CDH6: variants seen among roughly 807,000 people sequenced by gnomAD.
CDH6 encodes cadherin 6, also known as cadherin-6.
A neutral mutation model predicts 78.0 loss-of-function variants in CDH6; 31 were observed. The observed-to-expected ratio is 0.40, with a 90% CI of 0.30 to 0.54. The LOEUF (loss-of-function observed/expected upper bound fraction) is 0.54, where lower values mean the gene tolerates loss of function less well. Among genes scored for constraint, CDH6 ranks in the 20% least tolerant of loss-of-function variants. The probability of loss-of-function intolerance (pLI) is 0.56; values close to 1 mark genes in which losing one functional copy is unlikely to be tolerated. For missense variants in CDH6, 724 were observed against 975.9 expected, an observed-to-expected ratio of 0.74 and a Z score of 3.44; for synonymous variants, 376 against 368.8, an observed-to-expected ratio of 1.02 and a Z score of -0.23.
intron 1 of CDH6, among the ~76,000 whole-genome samples, chr5:31,229,709 T>C (rs2111849940): frequency 6.6e-6 from 1 of 152,348 alleles, no homozygotes; most frequent in Non-Finnish European, 1.5e-5. Flanking sequence ...AATGCAATTG[T>C]GGACCATCAT....
At chr5:31,227,807 C>T (rs1258491269) in intron 1 of CDH6, among the ~76,000 whole-genome samples, 1 of 152,188 alleles carries the variant, frequency 6.6e-6, no homozygotes, top group Admixed American at 6.5e-5. Context: ...CGGACCCCTA[C>T]CTTAACCATC....
At chr5:31,260,267 C>T (rs1206601816) in intron 1 of CDH6, among the ~76,000 whole-genome samples, 1 of 152,168 alleles carries the variant, frequency 6.6e-6, no homozygotes, top group Non-Finnish European at 1.5e-5. Flanking sequence ...GGTAAAGAAA[C>T]TGAGACACAA....
At chr5:31,297,528 A>T (rs1737643745) in intron 4 of CDH6, 120 bp downstream of exon 4, 3 of 675,992 alleles carry the variant, frequency 4.4e-6, no homozygotes, top group Non-Finnish European at 7.3e-6. Flanking sequence ...ACATCCACCA[A>T]ACACTAATGA....
intron 1 of CDH6, among the ~76,000 whole-genome samples, chr5:31,216,225 T>C (rs1477173740): frequency 6.6e-6 from 1 of 152,130 alleles, no homozygotes; most frequent in East Asian, 1.9e-4. Context: ...ATGCTTATTT[T>C]GTCAATTCAG....
At chr5:31,209,113 A>G (rs1218668003) in intron 1 of CDH6, among the ~76,000 whole-genome samples, 1 of 152,236 alleles carries the variant, frequency 6.6e-6, no homozygotes, top group Non-Finnish European at 1.5e-5. Context: ...TATATGGAGA[A>G]TTTTAAACTT....
chr5:31,269,189 G>A (rs1742449324), intron 2 of CDH6, among the ~76,000 whole-genome samples: 1 of 149,506 alleles, frequency 6.7e-6, no homozygotes, highest in African/African-American at 2.5e-5. Flanking sequence ...TTATCTAAAT[G>A]ATGTTTCCCC....
intron 3 of CDH6, 146 bp from the exon 4 acceptor site, chr5:31,297,143 C>A: frequency 2.9e-6 from 2 of 688,780 alleles, no homozygotes; most frequent in Non-Finnish European, 5.1e-6. Flanking sequence ...AGAATCCAAT[C>A]CTTTTTCACC....
chr5:31,219,178 AC>A (rs1740941607), intron 1 of CDH6, among the ~76,000 whole-genome samples: 1 of 152,126 alleles, frequency 6.6e-6, no homozygotes, highest in Non-Finnish European at 1.5e-5. Flanking sequence ...TTGGACTCAA[AC>A]TGCAATTCTC....
chr5:31,316,149 T>C (rs1697423595), intron 8 of CDH6, 59 bp from the exon 9 acceptor site: 2 of 1,565,750 alleles, frequency 1.3e-6, no homozygotes, highest in African/African-American at 2.7e-5. Context: ...GGATGTTGTC[T>C]AAAGGGAATC....
At chr5:31,241,413 A>T (rs1422808978) in intron 1 of CDH6, among the ~76,000 whole-genome samples, 1 of 152,228 alleles carries the variant, frequency 6.6e-6, no homozygotes, top group Admixed American at 6.5e-5. Context: ...GGAATATAGG[A>T]ATCAAGGCCT....
chr5:31,302,903 AAAAG>A (rs70953502), intron 6 of CDH6, among the ~76,000 whole-genome samples: 5,064 of 90,344 alleles, frequency 0.056, 123 homozygotes, highest in Admixed American at 0.065. Context: ...AAGAAAGAAA[AAAAG>A]AAAGAAAGAA....
intron 1 of CDH6, among the ~76,000 whole-genome samples, chr5:31,212,759 C>T (rs1232305463): frequency 1.3e-5 from 2 of 149,144 alleles, no homozygotes; most frequent in Non-Finnish European, 3.0e-5. Context: ...TTCACATGAA[C>T]GTGCACACAC....
chr5:31,310,182 T>C (rs973519494), intron 7 of CDH6, among the ~76,000 whole-genome samples: 9 of 152,182 alleles, frequency 5.9e-5, no homozygotes, highest in African/African-American at 1.9e-4. Context: ...GGGTTACAGG[T>C]ATTGGGTAAA....
In CDH6 at chr5:31,325,564, T is replaced by C. The variant is rs568520856; in HGVS notation, c.*2256T>C. On this transcript the variant is annotated 3_prime_UTR_variant, in exon 12 of 12. Coordinates refer to ENST00000265071, the MANE Select transcript of CDH6 (RefSeq NM_004932.4). ...ACGTAACAAATTGAATCAAGGAAGATAGTCCTGTAAAAAGAAAGGTATCAT... is the reference window on the plus strand; with the variant it reads ...ACGTAACAAATTGAATCAAGGAAGACAGTCCTGTAAAAAGAAAGGTATCAT... 1 of 231,060 alleles carries C rather than the reference T, an allele frequency of 4.3e-6. No individual in the cohort carries two copies. The highest frequency in any genetic ancestry group is 1.8e-4 in the South Asian group (1 of 5,516). The allele number at this position is 231,060 out of a possible 1,614,324, so 14.3% of individuals were successfully genotyped here.
chr5:31,281,208 T>A (rs1399272151), intron 2 of CDH6, among the ~76,000 whole-genome samples: 1 of 152,124 alleles, frequency 6.6e-6, no homozygotes, highest in Admixed American at 6.6e-5. Context: ...AAGGAACACA[T>A]TTTTTTAAAT....
intron 2 of CDH6, among the ~76,000 whole-genome samples, chr5:31,272,439 C>A (rs946718365): frequency 6.6e-6 from 1 of 152,156 alleles, no homozygotes. Context: ...TTTCAGAGAT[C>A]CCTGTAACTC....
At chr5:31,199,510 ATATG>A (rs1295023874) in intron 1 of CDH6, among the ~76,000 whole-genome samples, 2 of 97,270 alleles carry the variant, frequency 2.1e-5, no homozygotes, top group East Asian at 2.8e-4. Flanking sequence ...ATGTGTATAT[ATATG>A]TACACACACA....
At chr5:31,283,082 G>A (rs1742905394) in intron 2 of CDH6, among the ~76,000 whole-genome samples, 1 of 152,154 alleles carries the variant, frequency 6.6e-6, no homozygotes, top group Non-Finnish European at 1.5e-5. Flanking sequence ...TCAATTTTCT[G>A]ACCCCAGGGG....
intron 2 of CDH6, among the ~76,000 whole-genome samples, chr5:31,274,144 A>G (rs1396449717): frequency 1.3e-5 from 2 of 152,264 alleles, no homozygotes; most frequent in East Asian, 3.8e-4. Flanking sequence ...TATACTTCTT[A>G]GAAAATATTT....
Sources: allele counts gnomAD v4.1 joint callset (sites outside exome capture counted in the v4.1 genomes callset), GRCh38; gene constraint gnomAD v4.1.1; transcripts MANE v1.5; gene names NCBI Gene and HGNC (gene_info 2026-07-23, HGNC 2026-07-21).